Variants in RNF144B observed in about 807,000 individuals in gnomAD.
RNF144B encodes ring finger protein 144B.
In RNF144B, 25 loss-of-function variants were observed where a neutral mutation model predicts 40.2. That is an observed-to-expected ratio of 0.62 (90% confidence interval 0.45 to 0.87). The LOEUF (loss-of-function observed/expected upper bound fraction) is 0.87. Ranked by LOEUF, RNF144B falls within the 40% of genes least tolerant of loss-of-function variation. The pLI, the probability that RNF144B is intolerant of heterozygous loss-of-function variation, is 0.00. For synonymous variants in RNF144B, 145 were observed against 136.3 expected (o/e 1.06, Z -0.44); for missense variants, 365 against 373.7 (o/e 0.98, Z 0.19).
chr6:18,441,812 T>C lies in RNF144B; in HGVS notation c.331+2068T>C, dbSNP rs1370349045. ...CAAGTATCTCTGTACCACAGGGTTG[T>C]GATGAGGATTATGTGAATTAATACT... On this transcript the variant is annotated intron_variant, in intron 4 of 7. Coordinates refer to ENST00000259939, the MANE Select transcript of RNF144B (RefSeq NM_182757.4). This position sits in a 1 kb window ranked among gnomAD's most constrained non-coding sequence, Gnocchi z 4.9. 2.0e-5 allele frequency among the ~76,000 whole-genome samples: 3 copies of C among 152,208 alleles called. No individual in the cohort carries two copies. In the East Asian group the frequency reaches 5.8e-4, roughly 29 times the overall value.
rs896987138 is a variant in RNF144B, at chr6:18,450,188, A to G, written c.332-6967A>G. Reference sequence around the variant, plus strand: ...CTGTGCTGGATGCAGGTTTTATATTAATGTATTGATATGTTTACTTCCAAT... The same window carrying G: ...CTGTGCTGGATGCAGGTTTTATATTGATGTATTGATATGTTTACTTCCAAT... On this transcript the variant is annotated intron_variant, in intron 4 of 7. Coordinates refer to ENST00000259939, the MANE Select transcript of RNF144B (RefSeq NM_182757.4). This position sits in a 1 kb window ranked among gnomAD's most constrained non-coding sequence, Gnocchi z 4.7. 3.9e-5 allele frequency among the ~76,000 whole-genome samples: 6 copies of G among 152,036 alleles called. No homozygotes were observed. The highest frequency in any genetic ancestry group is 1.4e-4 in the African/African-American group (6 of 41,388).
rs111337645 is a variant in RNF144B, at chr6:18,464,826, G to A, written c.772-101G>A. 7.0e-4 allele frequency: 791 copies of A among 1,133,052 alleles called. 2 individuals are homozygous for A. The African/African-American group carries it at 0.01, about 15-fold the overall frequency. The allele number at this position is 1,133,052 out of a possible 1,614,324, so 70.2% of individuals were successfully genotyped here. A position where few individuals can be genotyped will look rare whatever the true frequency, so the allele number is the denominator to read the frequency against. ...GGTTTCAACATATGAGCTTCAGGGG[G>A]ACACAAACATTTGGCCCACAGCAGA... On this transcript the variant is annotated intron_variant, in intron 7 of 7. Transcript: ENST00000259939. This position sits in a 1 kb window ranked among gnomAD's most constrained non-coding sequence, Gnocchi z 6.1.
At chr6:18,449,068 G>T (rs1345009122) in intron 4 of RNF144B, among the ~76,000 whole-genome samples, 2 of 152,176 alleles carry the variant, frequency 1.3e-5, no homozygotes, top group Non-Finnish European at 2.9e-5. Context: ...GGTTTCTATA[G>T]TGAGTAGAAC....
At chr6:18,396,361 G>A in intron 1 of RNF144B, 1 of 943,084 alleles carries the variant, frequency 1.1e-6, no homozygotes, top group Non-Finnish European at 1.3e-6. Context: ...TCCCAATTAT[G>A]TCTTTGTTTT....
intron 4 of RNF144B, among the ~76,000 whole-genome samples, chr6:18,440,827 A>T (rs1758946118): frequency 6.6e-6 from 1 of 150,690 alleles, no homozygotes; most frequent in Admixed American, 6.6e-5. Context: ...CAGCAGCCAA[A>T]ACCAGATTTA....
rs1759328713 is a variant in RNF144B at position 18,456,507 on chromosome 6, G to T, written c.332-648G>T. Among the ~76,000 whole-genome samples, 1 of 152,166 alleles carries T rather than the reference G, an allele frequency of 6.6e-6. No individual in the cohort carries two copies. The highest frequency in any genetic ancestry group is 1.5e-5 in the Non-Finnish European group (1 of 68,024). On this transcript the variant is annotated intron_variant, in intron 4 of 7. Coordinates refer to ENST00000259939, the MANE Select transcript of RNF144B (RefSeq NM_182757.4). This position sits in a 1 kb window ranked among gnomAD's most constrained non-coding sequence, Gnocchi z 4.7. ...CTTCCAAGATAGTGCCCAAATAATT[G>T]TAGAAGGGATTTGAGATTTTTGCCT...
rs543959291 is a variant in RNF144B at position 18,391,872 on chromosome 6, A to G, written c.-37+4242A>G. ...GACAGAGCCAGACTCCATCTCAAAA[A>G]AAAAGGAGCAGCAGTTTGCAAATGT... On this transcript the variant is annotated intron_variant, in intron 1 of 7. Transcript: ENST00000259939. 2.3e-4 allele frequency among the ~76,000 whole-genome samples: 35 copies of G among 149,466 alleles called. 2 individuals carry two copies. The South Asian group carries it at 7.4e-3, about 32-fold the overall frequency.
chr6:18,407,959 T>A (rs1264614360), intron 2 of RNF144B, among the ~76,000 whole-genome samples: 1 of 83,494 alleles, frequency 1.2e-5, no homozygotes, highest in Non-Finnish European at 2.8e-5. Context: ...TGGTTTGGAA[T>A]TTTTCTTTTT....
chr6:18,421,028 A>G (rs1358230905), intron 2 of RNF144B, among the ~76,000 whole-genome samples: 5 of 151,926 alleles, frequency 3.3e-5, no homozygotes, highest in African/African-American at 1.2e-4. Context: ...GCTGAGGCAG[A>G]CAGATCACTT....
chr6:18,415,248 C>T (rs952654847), intron 2 of RNF144B, among the ~76,000 whole-genome samples: 3 of 152,116 alleles, frequency 2.0e-5, no homozygotes, highest in African/African-American at 7.2e-5. Context: ...GTGCCTAAGT[C>T]CTTTTGTGTT....
In RNF144B at chr6:18,406,211, A is replaced by G. The variant is rs1253168242; in HGVS notation, c.165+6512A>G. 3 of 514,378 alleles carry G rather than the reference A, an allele frequency of 5.8e-6. No homozygotes were observed. The highest frequency in any genetic ancestry group is 1.2e-5 in the Non-Finnish European group (3 of 257,378). 31.9% of individuals were successfully genotyped at this position (514,378 alleles called of 1,614,324 possible). On this transcript the variant is annotated intron_variant, in intron 2 of 7. Coordinates refer to ENST00000259939, the MANE Select transcript of RNF144B (RefSeq NM_182757.4). The surrounding 1 kb of genome is among the most constrained non-coding windows in gnomAD (Gnocchi z 4.2). The stretch of plus-strand genomic sequence containing the variant: ...CAGAAGTCAGGTGATGGTTTGTGCT[A>G]TGGAAAAATAGGGTGAGGGGGGTCA...
At position 18,461,044 on chromosome 6, in the gene RNF144B, T is replaced by C. The variant is rs80058509; in HGVS notation, c.681+1293T>C. ...TTTGTGTAGTGCTTTAGTTCAGACA[T>C]GCTTAGTGAGTGAGTGTGCAGTTAG... On this transcript the variant is annotated intron_variant, in intron 6 of 7. Transcript: ENST00000259939. 5.8e-3 allele frequency among the ~76,000 whole-genome samples: 886 copies of C among 152,294 alleles called. 3 individuals are homozygous for C. The highest frequency in any genetic ancestry group is 0.02 in the African/African-American group (830 of 41,554).
chr6:18,460,526 T>A lies in RNF144B; in HGVS notation c.681+775T>A, dbSNP rs1001464013. Among the ~76,000 whole-genome samples the A allele has an allele frequency of 2.6e-5, 4 of 152,208 alleles. No individual in the cohort carries two copies. The highest frequency in any genetic ancestry group is 5.9e-5 in the Non-Finnish European group (4 of 68,036). On this transcript the variant is annotated intron_variant, in intron 6 of 7. Coordinates refer to ENST00000259939, the MANE Select transcript of RNF144B (RefSeq NM_182757.4). The surrounding 1 kb of genome is among the most constrained non-coding windows in gnomAD (Gnocchi z 4.4). ...AGGTAGTTATTCTGCCTACCACTAT[T>A]AGATTTTTTCTTCGTTTTGAATTTA...
chr6:18,393,570 G>A (rs147784024), intron 1 of RNF144B, among the ~76,000 whole-genome samples: 3 of 152,192 alleles, frequency 2.0e-5, no homozygotes, highest in Non-Finnish European at 2.9e-5. Context: ...TACTCTATTG[G>A]GCAGAAGTAC....
rs1430765233 is a variant in RNF144B, at chr6:18,448,718, C to CA, written c.332-8437_332-8436insA. Among the ~76,000 whole-genome samples, 3 of 118,890 alleles carry CA rather than the reference C, an allele frequency of 2.5e-5. No individual in the cohort carries two copies. In the East Asian group the frequency reaches 7.0e-4, roughly 28 times the overall value. The allele number at this position is 118,890 out of a possible 152,430, so 78.0% of individuals were successfully genotyped here. ...CACACACACACACACACACACACAC[C>CA]CCACCCCCAAGATAGAACCAGCAAA... On this transcript the variant is annotated intron_variant, in intron 4 of 7. Coordinates refer to ENST00000259939, the MANE Select transcript of RNF144B (RefSeq NM_182757.4). The surrounding 1 kb of genome is among the most constrained non-coding windows in gnomAD (Gnocchi z 4.0).
Position 18,387,438 on chromosome 6 carries a change from C to G in RNF144B, c.-229C>G, listed in dbSNP as rs1356136690. On this transcript the variant is annotated 5_prime_UTR_variant, in exon 1 of 8. Transcript: ENST00000259939. ...AGGCGGTCGGGGACTCCGCCTCCTCCCGACCCGTAGGTCTGGGAGCGCAAG... is the reference window on the plus strand; with the variant it reads ...AGGCGGTCGGGGACTCCGCCTCCTCGCGACCCGTAGGTCTGGGAGCGCAAG... 1 of 1,209,050 alleles carries G rather than the reference C, an allele frequency of 8.3e-7. No individual in the cohort carries two copies. Among genetic ancestry groups the G allele is most frequent in the Non-Finnish European group, 1.1e-6 (1 of 944,662 alleles). The allele number at this position is 1,209,050 out of a possible 1,614,324, so 74.9% of individuals were successfully genotyped here.
chr6:18,419,524 G>A lies in RNF144B; in HGVS notation c.166-8057G>A, dbSNP rs1562046836. On this transcript the variant is annotated intron_variant, in intron 2 of 7. Transcript: ENST00000259939. This position sits in a 1 kb window ranked among gnomAD's most constrained non-coding sequence, Gnocchi z 4.6. Reference sequence around the variant, plus strand: ...GGAAAATGCAGAAGATTGAGAAAGAGTGACTAGAGAGGAAGAATGAAAACC... The same window carrying A: ...GGAAAATGCAGAAGATTGAGAAAGAATGACTAGAGAGGAAGAATGAAAACC... Among the ~76,000 whole-genome samples the A allele has an allele frequency of 6.6e-6, 1 of 152,186 alleles. No homozygotes were observed. Among genetic ancestry groups the A allele is most frequent in the Non-Finnish European group, 1.5e-5 (1 of 68,034 alleles).
chr6:18,399,769 C>A, intron 2 of RNF144B, 70 bp downstream of exon 2: 2 of 1,262,286 alleles, frequency 1.6e-6, no homozygotes, highest in South Asian at 1.3e-5. Flanking sequence ...GGATATATTT[C>A]TGTGGTTTAC....
rs1044897653 is a variant in RNF144B at position 18,456,147 on chromosome 6, C to T, written c.332-1008C>T. ...CCCTGTTAGCCAGGATGGTCTTGATCTCCTAACCTTGTGATCCGCCTACCT... is the reference window on the plus strand; with the variant it reads ...CCCTGTTAGCCAGGATGGTCTTGATTTCCTAACCTTGTGATCCGCCTACCT... On this transcript the variant is annotated intron_variant, in intron 4 of 7. Coordinates refer to ENST00000259939, the MANE Select transcript of RNF144B (RefSeq NM_182757.4). This position sits in a 1 kb window ranked among gnomAD's most constrained non-coding sequence, Gnocchi z 4.7. Among the ~76,000 whole-genome samples the T allele has an allele frequency of 2.9e-4, 44 of 152,150 alleles. No individual in the cohort carries two copies. Among genetic ancestry groups the T allele is most frequent in the African/African-American group, 9.7e-4 (40 of 41,436 alleles).
Sources: allele counts gnomAD v4.1 joint callset (sites outside exome capture counted in the v4.1 genomes callset), GRCh38; gene constraint gnomAD v4.1.1; non-coding constraint Gnocchi (gnomAD v3.1); transcripts MANE v1.5; gene names NCBI Gene and HGNC (gene_info 2026-07-23, HGNC 2026-07-21).